GABRB2: variants seen among roughly 807,000 people sequenced by gnomAD.
GABRB2 encodes gamma-aminobutyric acid receptor subunit beta-2.
GABRB2 carries 16 observed loss-of-function variants against 54.7 expected under a neutral mutation model. That is an observed-to-expected ratio of 0.29 (90% CI 0.20 to 0.44). The LOEUF (loss-of-function observed/expected upper bound fraction) is 0.44. Ranked by LOEUF, GABRB2 falls within the 20% of genes least tolerant of loss-of-function variation. GABRB2 has a pLI of 1.00. For missense variants in GABRB2, 355 were observed against 644.0 expected, an observed-to-expected ratio of 0.55 and a Z score of 4.86; for synonymous variants, 244 against 233.8, an observed-to-expected ratio of 1.04 and a Z score of -0.40.
chr5:161,536,755 GC>G (rs1381692486), intron 3 of GABRB2, among the ~76,000 whole-genome samples: 1 of 151,948 alleles, frequency 6.6e-6, no homozygotes, highest in Non-Finnish European at 1.5e-5. Context: ...GCACCACCAC[GC>G]CCAGCTAATT....
chr5:161,293,181 G>A lies in GABRB2; in HGVS notation c.*900C>T, dbSNP rs1487942394. 2 of 152,234 alleles carry A rather than the reference G, an allele frequency of 1.3e-5. No individual in the cohort carries two copies. Among genetic ancestry groups the A allele is most frequent in the East Asian group, 1.9e-4 (1 of 5,170 alleles). The allele number at this position is 152,234 out of a possible 1,614,324, so 9.4% of individuals were successfully genotyped here. ...CTATAAAAACCTCTTTAGGTATGCT[G>A]TCAAAAGCTAGTGATGTTGGAAAAA... On this transcript the variant is annotated 3_prime_UTR_variant, in exon 10 of 10. Transcript: ENST00000393959.
intron 3 of GABRB2, among the ~76,000 whole-genome samples, chr5:161,483,986 C>A (rs1561666917): frequency 6.6e-6 from 1 of 151,556 alleles, no homozygotes; most frequent in Non-Finnish European, 1.5e-5. Context: ...CATTGGTATA[C>A]TAAAGAGGAT....
intron 3 of GABRB2, among the ~76,000 whole-genome samples, chr5:161,485,742 C>A (rs965872652): frequency 6.6e-6 from 1 of 151,864 alleles, no homozygotes; most frequent in Admixed American, 6.6e-5. Context: ...TCATAGATTG[C>A]CATGTGATTC....
chr5:161,363,386 G>A (rs1039631019), intron 5 of GABRB2, among the ~76,000 whole-genome samples: 2 of 152,126 alleles, frequency 1.3e-5, no homozygotes, highest in African/African-American at 2.4e-5. Context: ...TCGGGGCTGG[G>A]GGGCTGAGGG....
chr5:161,476,164 G>A (rs1378548570), intron 3 of GABRB2, among the ~76,000 whole-genome samples: 1 of 151,712 alleles, frequency 6.6e-6, no homozygotes, highest in Non-Finnish European at 1.5e-5. Flanking sequence ...TACAAAAAAG[G>A]AAATTAAGAA....
At chr5:161,407,230 C>T (rs1436655242) in intron 5 of GABRB2, among the ~76,000 whole-genome samples, 1 of 152,008 alleles carries the variant, frequency 6.6e-6, no homozygotes, top group Non-Finnish European at 1.5e-5. Context: ...ATGTAGTTGA[C>T]ATTGGTATTG....
chr5:161,360,081 T>TAAA (rs11458201), intron 5 of GABRB2, among the ~76,000 whole-genome samples: 2 of 148,772 alleles, frequency 1.3e-5, no homozygotes, highest in African/African-American at 2.5e-5. Context: ...AGACTCCGTC[T>TAAA]AAAAAAAAAA....
At chr5:161,418,343 CTTTG>C (rs1756743176) in intron 4 of GABRB2, among the ~76,000 whole-genome samples, 1 of 152,134 alleles carries the variant, frequency 6.6e-6, no homozygotes, top group South Asian at 2.1e-4. Flanking sequence ...TCTATAGGTA[CTTTG>C]TTTATCTCAG....
intron 3 of GABRB2, among the ~76,000 whole-genome samples, chr5:161,488,274 C>T (rs1758988207): frequency 6.7e-6 from 1 of 150,054 alleles, no homozygotes; most frequent in Non-Finnish European, 1.5e-5. Flanking sequence ...ACTTAAGACT[C>T]CAATCACTTC....
chr5:161,514,922 T>C (rs1197960764), intron 3 of GABRB2, among the ~76,000 whole-genome samples: 2 of 152,214 alleles, frequency 1.3e-5, no homozygotes, highest in Non-Finnish European at 2.9e-5. Flanking sequence ...TGTTAATGAC[T>C]TTAAGATGAG....
intron 3 of GABRB2, among the ~76,000 whole-genome samples, chr5:161,501,856 T>C (rs1759455246): frequency 6.7e-6 from 1 of 149,866 alleles, no homozygotes. Context: ...TAACCTAAAA[T>C]ATAAGTTAAA....
chr5:161,463,555 T>TAGATATATATATATATA (rs1236064276), intron 3 of GABRB2, among the ~76,000 whole-genome samples: 2 of 23,710 alleles, frequency 8.4e-5, no homozygotes, highest in African/African-American at 3.6e-4. Flanking sequence ...ATATTTTTAT[T>TAGATATATATATATATA]TATATATATA....
At position 161,526,857 on chromosome 5, in the gene GABRB2, G is replaced by A. The variant is rs143101877; in HGVS notation, c.237+18370C>T. Among the ~76,000 whole-genome samples the A allele has an allele frequency of 6.3e-4, 95 of 151,424 alleles. No homozygotes were observed. In the East Asian group the frequency reaches 7.9e-3, roughly 13 times the overall value. ...ACATGGAGAAAACTAAAATTTTACCGAAGAACATAACAGAACATGTATAAA... is the reference window on the plus strand; with the variant it reads ...ACATGGAGAAAACTAAAATTTTACCAAAGAACATAACAGAACATGTATAAA... On this transcript the variant is annotated intron_variant, in intron 3 of 9. Transcript: ENST00000393959.
chr5:161,452,463 T>C lies in GABRB2; in HGVS notation c.458+7161A>G, dbSNP rs922759410. On this transcript the variant is annotated intron_variant, in intron 4 of 9. Coordinates refer to ENST00000393959, the MANE Select transcript of GABRB2 (RefSeq NM_001371727.1). ...TTTTTGAAACCCAATAAATATCCTA[T>C]TTTAAGTGAATAATAGTCTGAATTA... Among the ~76,000 whole-genome samples the C allele has an allele frequency of 2.0e-5, 3 of 152,196 alleles. No individual in the cohort carries two copies. The East Asian group carries it at 5.8e-4, about 29-fold the overall frequency.
At chr5:161,417,779 G>A (rs749594661) in intron 4 of GABRB2, among the ~76,000 whole-genome samples, 4 of 152,062 alleles carry the variant, frequency 2.6e-5, no homozygotes, top group Non-Finnish European at 4.4e-5. Flanking sequence ...TTCCCTGATT[G>A]AAGGTCTCCC....
At chr5:161,464,777 G>A (rs913710501) in intron 3 of GABRB2, among the ~76,000 whole-genome samples, 2 of 152,176 alleles carry the variant, frequency 1.3e-5, no homozygotes, top group South Asian at 4.1e-4. Flanking sequence ...AGAAAGCTAA[G>A]TGAAAGAAGC....
At chr5:161,533,226 T>A (rs1760520766) in intron 3 of GABRB2, among the ~76,000 whole-genome samples, 3 of 152,156 alleles carry the variant, frequency 2.0e-5, no homozygotes, top group African/African-American at 7.2e-5. Flanking sequence ...CCTATATTTT[T>A]CTATATAAAT....
intron 5 of GABRB2, among the ~76,000 whole-genome samples, chr5:161,370,455 C>G (rs1755098966): frequency 6.6e-6 from 1 of 152,156 alleles, no homozygotes; most frequent in Non-Finnish European, 1.5e-5. Context: ...GAAAAGTGAA[C>G]AGATCTACCG....
chr5:161,464,697 G>A (rs992899553), intron 3 of GABRB2, among the ~76,000 whole-genome samples: 2 of 152,098 alleles, frequency 1.3e-5, no homozygotes, highest in Admixed American at 1.3e-4. Context: ...CCCTGAAACA[G>A]AATACTACTC....
Sources: gnomAD v4.1 joint callset for allele counts (sites outside exome capture counted in the v4.1 genomes callset) on GRCh38, gnomAD v4.1.1 for gene constraint, MANE v1.5 for transcripts, NCBI Gene and HGNC (gene_info 2026-07-23, HGNC 2026-07-21) for gene names.